The following AVL9 variants were observed in gnomAD, a reference collection of about 807,000 sequenced individuals.
The protein encoded by AVL9 is late secretory pathway protein AVL9 homolog.
A neutral mutation model predicts 79.2 loss-of-function variants in AVL9; 49 were observed. The observed-to-expected ratio is 0.62, with a 90% CI of 0.49 to 0.79. AVL9 has a LOEUF of 0.79. Ranked by LOEUF, AVL9 falls within the 30% of genes least tolerant of loss-of-function variation. The pLI is 0.00. For missense variants in AVL9, 682 were observed against 776.8 expected (o/e 0.88, Z 1.45); for synonymous variants, 299 against 280.6 (o/e 1.07, Z -0.65).
rs183518909 is a variant in AVL9, at chr7:32,588,075, G to T, written c.*4168G>T. On this transcript the variant is annotated 3_prime_UTR_variant, in exon 16 of 16. Coordinates refer to ENST00000318709, the MANE Select transcript of AVL9 (RefSeq NM_015060.3). ...AGTTTACCTTTTTACTTATATGAAA[G>T]ATAACTATATATTTAAATCATGTAA... 1 of 152,158 alleles carries T rather than the reference G, an allele frequency of 6.6e-6. No homozygotes were observed. Among genetic ancestry groups the T allele is most frequent in the Admixed American group, 6.5e-5 (1 of 15,272 alleles). 9.4% of individuals were successfully genotyped at this position (152,158 alleles called of 1,614,324 possible).
intron 6 of AVL9, 61 bp from the exon 7 acceptor site, chr7:32,553,666 C>G: frequency 7.8e-7 from 1 of 1,276,072 alleles, no homozygotes. Context: ...GGGGAAATAA[C>G]CTTTCTGCAG....
At chr7:32,541,868 C>A (rs1348853732) in intron 1 of AVL9, among the ~76,000 whole-genome samples, 1 of 152,048 alleles carries the variant, frequency 6.6e-6, no homozygotes, top group African/African-American at 2.4e-5. Context: ...GCATGTGCCA[C>A]CACACCTGAC....
intron 8 of AVL9, among the ~76,000 whole-genome samples, chr7:32,556,824 G>A (rs1351822113): frequency 2.0e-5 from 3 of 151,816 alleles, no homozygotes; most frequent in Admixed American, 6.6e-5. Flanking sequence ...AGAGTGCAGC[G>A]GTGTGATCAT....
rs1791073093 is a variant in AVL9 at position 32,575,900 on chromosome 7, A to T, written c.1571-55A>T. 4.7e-6 allele frequency: 6 copies of T among 1,271,028 alleles called. No individual in the cohort carries two copies. The South Asian group carries it at 7.2e-5, about 15-fold the overall frequency. 78.7% of individuals were successfully genotyped at this position (1,271,028 alleles called of 1,614,324 possible). ...TTTACCCTTTTTGGTTATAATCTTC[A>T]CATCCCTGAATGGCTACAGCCCAGC... On this transcript the variant is annotated intron_variant, in intron 12 of 15. Transcript: ENST00000318709.
At chr7:32,554,683 G>A in intron 8 of AVL9, 87 bp downstream of exon 8, 2 of 902,882 alleles carry the variant, frequency 2.2e-6, no homozygotes, top group South Asian at 4.6e-5. Context: ...TGAAACTAAT[G>A]ATAAAGTATT....
intron 1 of AVL9, among the ~76,000 whole-genome samples, chr7:32,529,667 G>A (rs1788559593): frequency 6.6e-6 from 1 of 152,176 alleles, no homozygotes; most frequent in South Asian, 2.1e-4. Flanking sequence ...AAAGGCCCAT[G>A]CATTTGAACA....
At chr7:32,517,495 G>C (rs968506754) in intron 1 of AVL9, among the ~76,000 whole-genome samples, 1 of 151,702 alleles carries the variant, frequency 6.6e-6, no homozygotes, top group African/African-American at 2.4e-5. Flanking sequence ...TAGTAGAGAC[G>C]GGGTTTCACC....
intron 1 of AVL9, among the ~76,000 whole-genome samples, chr7:32,521,993 A>C (rs1421809172): frequency 6.6e-6 from 1 of 152,246 alleles, no homozygotes; most frequent in Non-Finnish European, 1.5e-5. Flanking sequence ...CTGCAGGTGC[A>C]CAGAAGTCAA....
intron 1 of AVL9, among the ~76,000 whole-genome samples, chr7:32,496,353 C>A (rs576771454): frequency 6.6e-6 from 1 of 152,320 alleles, no homozygotes; most frequent in African/African-American, 2.4e-5. Flanking sequence ...TTGACTTTGC[C>A]TCCCCCTTCC....
At chr7:32,515,164 G>A (rs1165872845) in intron 1 of AVL9, among the ~76,000 whole-genome samples, 3 of 152,166 alleles carry the variant, frequency 2.0e-5, no homozygotes, top group African/African-American at 7.2e-5. Flanking sequence ...TTGGGCATGT[G>A]TCCTCAGGAC....
rs886073277 is a variant in AVL9 at position 32,585,970 on chromosome 7, T to C, written c.*2063T>C. 2 of 152,194 alleles carry C rather than the reference T, an allele frequency of 1.3e-5. No homozygotes were observed. The highest frequency in any genetic ancestry group is 2.9e-5 in the Non-Finnish European group (2 of 68,034). 9.4% of individuals were successfully genotyped at this position (152,194 alleles called of 1,614,324 possible). ...GCATGATAGTGTGATTTGTGTACAATTGTTACCTCTCAGCTGCTGAAGTTC... is the reference window on the plus strand; with the variant it reads ...GCATGATAGTGTGATTTGTGTACAACTGTTACCTCTCAGCTGCTGAAGTTC... On this transcript the variant is annotated 3_prime_UTR_variant, in exon 16 of 16. Transcript: ENST00000318709.
At chr7:32,580,061 G>GGA in intron 13 of AVL9, 158 bp from the exon 14 acceptor site, 1 of 608,500 alleles carries the variant, frequency 1.6e-6, no homozygotes. Context: ...CACTGTAAGT[G>GGA]GAGAGCTGTG....
chr7:32,514,285 G>A lies in AVL9; in HGVS notation c.93+18483G>A, dbSNP rs187718105. On this transcript the variant is annotated intron_variant, in intron 1 of 15. Coordinates refer to ENST00000318709, the MANE Select transcript of AVL9 (RefSeq NM_015060.3). ...CAATACCCAGGCTTTCTTGGGCAGG[G>A]GTCCCTGCGGCCTTCCACAGTGCAT... is the stretch of plus-strand genomic sequence containing the variant. Among the ~76,000 whole-genome samples the A allele has an allele frequency of 7.2e-3, 1,095 of 152,286 alleles. 8 individuals are homozygous for A. Among genetic ancestry groups the A allele is most frequent in the Non-Finnish European group, 0.012 (799 of 68,024 alleles).
chr7:32,576,190 AG>A (rs1452248326), intron 13 of AVL9, 118 bp downstream of exon 13: 2 of 694,636 alleles, frequency 2.9e-6, no homozygotes, highest in East Asian at 5.5e-5. Flanking sequence ...CCCCTTAAGT[AG>A]GTCATAAAAA....
intron 13 of AVL9, among the ~76,000 whole-genome samples, chr7:32,577,202 G>GC (rs1791141248): frequency 6.6e-6 from 1 of 152,124 alleles, no homozygotes; most frequent in Non-Finnish European, 1.5e-5. Flanking sequence ...AGGCGTGGTG[G>GC]TGGGTGCCTA....
chr7:32,540,871 C>CTTTTTTTTTTT (rs749306635), intron 1 of AVL9, among the ~76,000 whole-genome samples: 2 of 72,468 alleles, frequency 2.8e-5, no homozygotes, highest in African/African-American at 4.8e-5. Context: ...TGTTGTACTA[C>CTTTTTTTTTTT]TTTTTTTTTT....
At chr7:32,513,731 G>T (rs373978450) in intron 1 of AVL9, among the ~76,000 whole-genome samples, 19 of 152,298 alleles carry the variant, frequency 1.2e-4, no homozygotes, top group Middle Eastern at 3.4e-3. Flanking sequence ...GGGGACCAGC[G>T]CTCAGCAAGT....
At chr7:32,514,928 G>A (rs552266372) in intron 1 of AVL9, among the ~76,000 whole-genome samples, 2 of 152,288 alleles carry the variant, frequency 1.3e-5, no homozygotes, top group East Asian at 1.9e-4. Flanking sequence ...ACACGGACAC[G>A]CATGAAAAAT....
At chr7:32,575,585 T>C (rs148720072) in intron 12 of AVL9, among the ~76,000 whole-genome samples, 89 of 152,316 alleles carry the variant, frequency 5.8e-4, no homozygotes, top group African/African-American at 2.0e-3. Flanking sequence ...GCCATACATA[T>C]CAATCAGTAT....
Sources: allele counts gnomAD v4.1 joint callset (sites outside exome capture counted in the v4.1 genomes callset), GRCh38; gene constraint gnomAD v4.1.1; transcripts MANE v1.5; gene names NCBI Gene and HGNC (gene_info 2026-07-23, HGNC 2026-07-21).